Variants in ZFAND4 observed in about 807,000 individuals in gnomAD.
ZFAND4 encodes the protein AN1-type zinc finger protein 4.
A neutral mutation model predicts 64.4 loss-of-function variants in ZFAND4; 43 were observed. The ratio of observed to expected loss-of-function variants is 0.67; its 90% confidence interval spans 0.52 to 0.86. The LOEUF is 0.86. ZFAND4 is among the 40% of genes least tolerant of loss of function. The probability of loss-of-function intolerance (pLI) is 0.00; values close to 1 mark genes in which losing one functional copy is unlikely to be tolerated. For missense variants in ZFAND4, 929 were observed against 859.8 expected (o/e 1.08, Z -1.01); for synonymous variants, 296 against 305.7 (o/e 0.97, Z 0.33).
chr10:45,669,798 G>A (rs911648814), intron 1 of ZFAND4, among the ~76,000 whole-genome samples: 2 of 152,204 alleles, frequency 1.3e-5, no homozygotes, highest in Non-Finnish European at 2.9e-5. Context: ...TATCTTAATA[G>A]ATGCAGAAAA....
chr10:45,655,151 T>TC (rs923763287), intron 2 of ZFAND4, among the ~76,000 whole-genome samples: 12 of 151,320 alleles, frequency 7.9e-5, no homozygotes, highest in African/African-American at 2.4e-4. Flanking sequence ...CTATCAAGTA[T>TC]CCCCCCCAGA....
chr10:45,647,933 G>C (rs923820737), intron 5 of ZFAND4, among the ~76,000 whole-genome samples: 1 of 152,102 alleles, frequency 6.6e-6, no homozygotes, highest in Non-Finnish European at 1.5e-5. Context: ...TATAGAGTAG[G>C]AAAACAAGAC....
At chr10:45,663,928 A>G in intron 1 of ZFAND4, 86 bp from the exon 2 acceptor site, 1 of 438,864 alleles carries the variant, frequency 2.3e-6, no homozygotes, top group Non-Finnish European at 4.0e-6. Context: ...GCCCATATCA[A>G]TCTTCCAGAC....
chr10:45,664,361 C>T (rs1040091582), intron 1 of ZFAND4, among the ~76,000 whole-genome samples: 2 of 151,740 alleles, frequency 1.3e-5, no homozygotes, highest in East Asian at 2.0e-4. Context: ...CTCCGCCTCC[C>T]GGGTTCAAGC....
intron 2 of ZFAND4, among the ~76,000 whole-genome samples, chr10:45,656,513 AAAAAAAAAAAAAGAAAAG>A (rs1478425284): frequency 3.3e-5 from 5 of 149,958 alleles, no homozygotes; most frequent in Non-Finnish European, 7.4e-5. Flanking sequence ...AAAAAAAAAA[AAAAAAAAAAAAAGAAAAG>A]AAAAAAGAAA....
intron 2 of ZFAND4, 44 bp from the exon 3 acceptor site, chr10:45,653,103 G>A (rs768624092): frequency 6.6e-6 from 9 of 1,372,774 alleles, no homozygotes; most frequent in Non-Finnish European, 8.2e-6. Flanking sequence ...GAATTCAATA[G>A]CATCTCCAAA....
chr10:45,616,498 C>T lies in ZFAND4; in HGVS notation c.2122G>A (p.Gly708Arg), dbSNP rs1027350496. ...TTTGCCTCGTGCAAGTATCTCCTCC[C>T]TGCACTCTTGTAATCATAGGTACAG... ...HGCTYDYKSAGRRYLHEANPV... is the reference protein window; with the variant it reads ...HGCTYDYKSARRRYLHEANPV... Residue 708 changes from glycine to arginine, a missense_variant, in exon 10 of 10, where the codon GGG (glycine) becomes AGG (arginine). Coordinates refer to ENST00000344646, the MANE Select transcript of ZFAND4 (RefSeq NM_174890.4). 2 of 1,614,068 alleles carry T rather than the reference C, an allele frequency of 1.2e-6. No homozygotes were observed. Among genetic ancestry groups the T allele is most frequent in the Admixed American group, 1.7e-5 (1 of 60,006 alleles).
chr10:45,668,318 A>C (rs1295177916), intron 1 of ZFAND4, among the ~76,000 whole-genome samples: 1 of 152,256 alleles, frequency 6.6e-6, no homozygotes, highest in Non-Finnish European at 1.5e-5. Flanking sequence ...AATCCTTTAC[A>C]GACAAGCAAA....
intron 6 of ZFAND4, 147 bp from the exon 7 acceptor site, chr10:45,627,252 A>C (rs2045900837): frequency 6.6e-6 from 4 of 609,454 alleles, no homozygotes; most frequent in Non-Finnish European, 1.0e-5. Context: ...ATAAAATCTT[A>C]AGATTATGAC....
chr10:45,653,146 C>G (rs2047872480), intron 2 of ZFAND4, 87 bp from the exon 3 acceptor site: 1 of 975,352 alleles, frequency 1.0e-6, no homozygotes, highest in African/African-American at 1.7e-5. Context: ...CATTAAGGAA[C>G]TAAGAGCACT....
intron 6 of ZFAND4, among the ~76,000 whole-genome samples, chr10:45,632,948 C>T (rs558009459): frequency 1.4e-4 from 21 of 151,912 alleles, no homozygotes; most frequent in Non-Finnish European, 2.5e-4. Context: ...GCAAATGAAA[C>T]CAAGAAGATA....
At position 45,648,318 on chromosome 10, in the gene ZFAND4, C is replaced by T. The variant is rs1263184091; in HGVS notation, c.545G>A (p.Arg182Gln). ...KKIDFHLHVL[R>Q]RKGEHRMSGG... Reference sequence around the variant, plus strand: ...CCTCATACGATGTTCTCCTTTTCTCCGTAGGACATGCAAATGAAAATCTAT... The same window carrying T: ...CCTCATACGATGTTCTCCTTTTCTCTGTAGGACATGCAAATGAAAATCTAT... The change falls in exon 5 of 10, where the codon CGG becomes CAG. Residue 182 changes from arginine to glutamine, a missense_variant. Transcript: ENST00000344646. 8 of 1,612,132 alleles carry T rather than the reference C, an allele frequency of 5.0e-6. No individual in the cohort carries two copies. In the South Asian group the frequency reaches 5.5e-5, roughly 11 times the overall value.
At chr10:45,642,378 CGGGTG>C (rs1376371916) in intron 5 of ZFAND4, among the ~76,000 whole-genome samples, 3 of 151,954 alleles carry the variant, frequency 2.0e-5, no homozygotes, top group African/African-American at 7.2e-5. Flanking sequence ...GAGGCCGAGG[CGGGTG>C]GATCACGAGG....
Position 45,616,583 on chromosome 10 carries a change from A to G in ZFAND4, c.2049-12T>C, listed in dbSNP as rs75205426. 0.04 allele frequency: 63,883 copies of G among 1,613,404 alleles called. 1,719 individuals are homozygous for G. The highest frequency in any genetic ancestry group is 0.12 in the African/African-American group (9,344 of 74,964). On this transcript the variant is annotated splice_polypyrimidine_tract_variant and intron_variant, in intron 9 of 9. Coordinates refer to ENST00000344646, the MANE Select transcript of ZFAND4 (RefSeq NM_174890.4). Reference sequence around the variant, plus strand: ...AGTTGTTTCCACATCTAAAGCACAAAAAAAGTTTACGTGAATAGTTGTATT... The same window carrying G: ...AGTTGTTTCCACATCTAAAGCACAAGAAAAGTTTACGTGAATAGTTGTATT...
intron 6 of ZFAND4, among the ~76,000 whole-genome samples, chr10:45,632,363 A>T (rs1190644063): frequency 1.3e-5 from 2 of 152,212 alleles, no homozygotes; most frequent in African/African-American, 4.8e-5. Context: ...ATCTCAAAAT[A>T]AATAAGTGAA....
At chr10:45,662,515 A>T in intron 2 of ZFAND4, 1 of 833,856 alleles carries the variant, frequency 1.2e-6, no homozygotes, top group Non-Finnish European at 1.4e-6. Context: ...GGTATCCTTT[A>T]AACTATGATA....
chr10:45,651,816 G>C, intron 4 of ZFAND4, 150 bp downstream of exon 4: 1 of 704,354 alleles, frequency 1.4e-6, no homozygotes, highest in Non-Finnish European at 2.5e-6. Flanking sequence ...AGGCATTTAG[G>C]TTTTAAAGAA....
intron 2 of ZFAND4, among the ~76,000 whole-genome samples, chr10:45,656,236 AAAGAG>A (rs71520970): frequency 0.67 from 99,749 of 149,252 alleles, 33,587 homozygotes; most frequent in South Asian, 0.78. Context: ...TCTAAAAAGA[AAAGAG>A]AAGAGAAGAG....
At chr10:45,653,173 T>C in intron 2 of ZFAND4, 114 bp from the exon 3 acceptor site, 1 of 773,870 alleles carries the variant, frequency 1.3e-6, no homozygotes, top group Non-Finnish European at 2.0e-6. Context: ...TTAAACATTC[T>C]TCTAAATTGA....
Sources: allele counts gnomAD v4.1 joint callset (sites outside exome capture counted in the v4.1 genomes callset), GRCh38; gene constraint gnomAD v4.1.1; transcripts MANE v1.5; gene names NCBI Gene and HGNC (gene_info 2026-07-23, HGNC 2026-07-21).